The following SLC16A9 variants were observed in gnomAD, a reference collection of about 807,000 sequenced individuals.
SLC16A9 encodes the protein monocarboxylate transporter 9.
Under a neutral mutation model 44.3 loss-of-function variants are expected in SLC16A9, and 26 were observed. The observed-to-expected ratio is 0.59, with a 90% CI of 0.43 to 0.81. The LOEUF (loss-of-function observed/expected upper bound fraction) is 0.81, where lower values mean the gene tolerates loss of function less well. SLC16A9 is among the 40% of genes least tolerant of loss of function. The pLI is 0.00. For missense variants in SLC16A9, 559 were observed against 595.8 expected, an observed-to-expected ratio of 0.94 and a Z score of 0.64; for synonymous variants, 230 against 225.1, an observed-to-expected ratio of 1.02 and a Z score of -0.19.
chr10:59,684,722 A>C (rs953811286), intron 1 of SLC16A9, among the ~76,000 whole-genome samples: 5 of 152,162 alleles, frequency 3.3e-5, no homozygotes, highest in Non-Finnish European at 1.5e-5. Context: ...TTTCGAGTTG[A>C]TGCCTATGGA....
intron 3 of SLC16A9, among the ~76,000 whole-genome samples, chr10:59,665,667 AT>A (rs374698990): frequency 1.3e-4 from 20 of 152,296 alleles, no homozygotes; most frequent in Non-Finnish European, 2.5e-4. Context: ...TAACCAATCA[AT>A]TTTGTGAAGC....
intron 1 of SLC16A9, among the ~76,000 whole-genome samples, chr10:59,707,292 G>A (rs1308686233): frequency 9.9e-6 from 1 of 100,882 alleles, no homozygotes; most frequent in South Asian, 4.2e-4. Context: ...GGGAAGGGAA[G>A]GGAAGGGAAG....
intron 4 of SLC16A9, among the ~76,000 whole-genome samples, chr10:59,660,267 G>A (rs11816783): frequency 0.03 from 4,484 of 151,934 alleles, 210 homozygotes; most frequent in African/African-American, 0.1. Context: ...AGACTAATAA[G>A]TAAGAAAAGA....
At chr10:59,674,544 A>G (rs913354743) in intron 2 of SLC16A9, among the ~76,000 whole-genome samples, 1 of 152,210 alleles carries the variant, frequency 6.6e-6, no homozygotes, top group African/African-American at 2.4e-5. Flanking sequence ...GAAAGACCAA[A>G]TTTATCATCC....
At chr10:59,703,860 A>C (rs1409282270) in intron 1 of SLC16A9, among the ~76,000 whole-genome samples, 1 of 151,908 alleles carries the variant, frequency 6.6e-6, no homozygotes, top group African/African-American at 2.4e-5. Context: ...CTGGGACTAC[A>C]GGTGCCCGCC....
chr10:59,689,542 GA>G (rs1389511849), intron 1 of SLC16A9, among the ~76,000 whole-genome samples: 1 of 152,180 alleles, frequency 6.6e-6, no homozygotes, highest in Non-Finnish European at 1.5e-5. Context: ...ATAAGGAAAG[GA>G]AAATCTGCGG....
intron 1 of SLC16A9, among the ~76,000 whole-genome samples, chr10:59,684,731 G>T (rs1840095978): frequency 1.3e-5 from 2 of 152,170 alleles, no homozygotes; most frequent in South Asian, 4.1e-4. Flanking sequence ...GATGCCTATG[G>T]AAGGGCACAG....
chr10:59,693,610 ATTATTTATTTAT>A (rs144381389), intron 1 of SLC16A9, among the ~76,000 whole-genome samples: 2 of 151,022 alleles, frequency 1.3e-5, no homozygotes. Flanking sequence ...AATTTTATGT[ATTATTTATTTAT>A]TTATTTATTT....
rs1839274610 is a variant in SLC16A9, at chr10:59,653,790, C to T, written c.1236G>A (p.Trp412Ter). The change falls in exon 5 of 6, where the codon TGG (tryptophan) becomes TGA (stop). Residue 412 changes from tryptophan (W) to a stop codon, truncating the protein, a stop_gained. Coordinates refer to ENST00000395348, the MANE Select transcript of SLC16A9 (RefSeq NM_194298.3). LOFTEE classifies it high-confidence loss of function. ...SGILGFLTGN[W>*]SIFPYVTTKT... The stretch of plus-strand genomic sequence containing the variant: ...TCGTGGTCACATATGGAAAGATGGA[C>T]CAATTACCAGTAAGAAACCCTAGGA... 1.9e-6 allele frequency: 3 copies of T among 1,613,924 alleles called. No individual in the cohort carries two copies. The East Asian group carries it at 6.7e-5, about 36-fold the overall frequency.
Position 59,672,820 on chromosome 10 carries a change from C to G in SLC16A9, c.290G>C (p.Ser97Thr). The G allele has an allele frequency of 6.2e-7, 1 of 1,613,822 alleles. No homozygotes were observed. The highest frequency in any genetic ancestry group is 8.5e-7 in the Non-Finnish European group (1 of 1,179,864). Residue 97 changes from serine to threonine, a missense_variant, in exon 3 of 6, where the codon AGT becomes ACT. Physicochemically the swap from Ser to Thr is moderately conservative, Grantham distance 58. Coordinates refer to ENST00000395348, the MANE Select transcript of SLC16A9 (RefSeq NM_194298.3). ...CAGAAAGTAGATATTGGGAGCAAAA[C>G]TGCTCAACATCAGGCCTCCAGCCAC... ...FMVAGGLMLS[S>T]FAPNIYFLFF...
Position 59,652,625 on chromosome 10 carries a change from A to T in SLC16A9, c.*147T>A, listed in dbSNP as rs1234964315. On this transcript the variant is annotated 3_prime_UTR_variant, in exon 6 of 6. Transcript: ENST00000395348. The stretch of plus-strand genomic sequence containing the variant: ...ACACTACATAAAAAATAGGATATAT[A>T]AAAAAAAATAATTCATTCAGAGTCA... 4.9e-6 allele frequency: 3 copies of T among 607,788 alleles called. No homozygotes were observed. Among genetic ancestry groups the T allele is most frequent in the South Asian group, 2.8e-5 (1 of 36,030 alleles). 37.6% of individuals were successfully genotyped at this position (607,788 alleles called of 1,614,324 possible). A position where few individuals can be genotyped will look rare whatever the true frequency, so the allele number is the denominator to read the frequency against.
intron 1 of SLC16A9, among the ~76,000 whole-genome samples, chr10:59,697,355 G>A (rs978673755): frequency 2.7e-5 from 4 of 150,852 alleles, no homozygotes; most frequent in African/African-American, 9.7e-5. Flanking sequence ...GAAAGAGGTA[G>A]ACATGGGAGA....
At position 59,693,969 on chromosome 10, in the gene SLC16A9, G is replaced by A. The variant is rs1196204734; in HGVS notation, c.-36-9642C>T. Among the ~76,000 whole-genome samples, 301 of 130,466 alleles carry A rather than the reference G, an allele frequency of 2.3e-3. No homozygotes were observed. In the Middle Eastern group the frequency reaches 0.042, roughly 18 times the overall value. The allele number at this position is 130,466 out of a possible 152,430, so 85.6% of individuals were successfully genotyped here. On this transcript the variant is annotated intron_variant, in intron 1 of 5. Transcript: ENST00000395348. Reference sequence around the variant, plus strand: ...TTTATTTATTTTGAGATGGAGTCTCGCTCTGTCGCCCAGGCTGGAGTGCAG... The same window carrying A: ...TTTATTTATTTTGAGATGGAGTCTCACTCTGTCGCCCAGGCTGGAGTGCAG...
intron 1 of SLC16A9, among the ~76,000 whole-genome samples, chr10:59,704,637 G>C (rs1372307519): frequency 6.6e-6 from 1 of 152,180 alleles, no homozygotes; most frequent in Admixed American, 6.5e-5. Flanking sequence ...GTGAGGGCCA[G>C]ACACTGAGAT....
Position 59,684,319 on chromosome 10 carries a change from C to T in SLC16A9, c.-28G>A. On this transcript the variant is annotated 5_prime_UTR_variant, in exon 2 of 6. Transcript: ENST00000395348. The stretch of plus-strand genomic sequence containing the variant: ...TAAGACAAAATCAGGAGGCGTTTCT[C>T]TGCAGGTCCTAAACAAAAACAAACA... 1.3e-6 allele frequency: 2 copies of T among 1,593,528 alleles called. No individual in the cohort carries two copies. The highest frequency in any genetic ancestry group is 1.7e-6 in the Non-Finnish European group (2 of 1,165,690).
intron 1 of SLC16A9, among the ~76,000 whole-genome samples, chr10:59,699,349 C>T (rs1840470659): frequency 6.6e-6 from 1 of 152,202 alleles, no homozygotes; most frequent in South Asian, 2.1e-4. Flanking sequence ...ATTTCCACTT[C>T]TCTGTGTTTT....
chr10:59,655,916 A>C (rs530484531), intron 4 of SLC16A9, among the ~76,000 whole-genome samples: 1 of 152,364 alleles, frequency 6.6e-6, no homozygotes, highest in East Asian at 1.9e-4. Context: ...CATCTAATAA[A>C]ACAATTCTTC....
intron 2 of SLC16A9, among the ~76,000 whole-genome samples, chr10:59,679,850 C>T (rs1373537953): frequency 6.6e-6 from 1 of 152,224 alleles, no homozygotes; most frequent in Non-Finnish European, 1.5e-5. Flanking sequence ...GGACTTCCCT[C>T]TCCCTGTCTA....
chr10:59,667,211 ACT>A (rs1473937277), intron 3 of SLC16A9, among the ~76,000 whole-genome samples: 2 of 152,220 alleles, frequency 1.3e-5, no homozygotes, highest in Non-Finnish European at 2.9e-5. Context: ...TCCTTAGGAA[ACT>A]ATCACTTAAC....
Sources: gnomAD v4.1 joint callset for allele counts (sites outside exome capture counted in the v4.1 genomes callset) on GRCh38, gnomAD v4.1.1 for gene constraint, MANE v1.5 for transcripts, NCBI Gene and HGNC (gene_info 2026-07-23, HGNC 2026-07-21) for gene names.